Variants in SIDT1 observed in about 807,000 individuals in gnomAD.
SIDT1 encodes SID1 transmembrane family member 1, also known as SID1 transmembrane family, member 1.
A neutral mutation model predicts 107.5 loss-of-function variants in SIDT1; 101 were observed. The observed-to-expected ratio is 0.94, with a 90% CI of 0.80 to 1.11. The LOEUF (loss-of-function observed/expected upper bound fraction) is 1.11, where lower values mean the gene tolerates loss of function less well. Ranked by LOEUF, SIDT1 falls within the 50% of genes least tolerant of loss-of-function variation. The pLI is 0.00. For missense variants in SIDT1, 1,076 were observed against 1,058.2 expected, an observed-to-expected ratio of 1.02 and a Z score of -0.23; for synonymous variants, 395 against 398.2, an observed-to-expected ratio of 0.99 and a Z score of 0.10.
At chr3:113,542,224 T>C (rs1314600380) in intron 1 of SIDT1, among the ~76,000 whole-genome samples, 1 of 152,094 alleles carries the variant, frequency 6.6e-6, no homozygotes, top group East Asian at 1.9e-4. Flanking sequence ...CACTTGGCAT[T>C]AGTAGGTCAG....
chr3:113,607,067 C>T lies in SIDT1; in HGVS notation c.1431C>T (p.Asp477=), dbSNP rs959859202. ...TGGTAAATGTCACTGGCAACCAGGA[C>T]ATCTGTTACTACAACTTCCTCTGTG... ...QTVVNVTGNQ[D]ICYYNFLCAH... is the part of the protein sequence containing the mutation. Residue 477 remains aspartate (D), a synonymous_variant, in exon 15 of 25, where the codon GAC becomes GAT. Transcript: ENST00000264852. 1.2e-6 allele frequency: 2 copies of T among 1,612,896 alleles called. No individual in the cohort carries two copies. The highest frequency in any genetic ancestry group is 1.7e-6 in the Non-Finnish European group (2 of 1,178,910).
At chr3:113,552,521 C>T (rs1236136013) in intron 1 of SIDT1, among the ~76,000 whole-genome samples, 1 of 152,162 alleles carries the variant, frequency 6.6e-6, no homozygotes, top group Non-Finnish European at 1.5e-5. Context: ...AAAAGATATC[C>T]AGTAGCTCAC....
At chr3:113,554,252 G>A (rs1313881659) in intron 1 of SIDT1, among the ~76,000 whole-genome samples, 3 of 152,160 alleles carry the variant, frequency 2.0e-5, no homozygotes, top group Non-Finnish European at 4.4e-5. Context: ...CTTTAGGATA[G>A]TCTCACGATT....
intron 12 of SIDT1, among the ~76,000 whole-genome samples, chr3:113,603,731 T>C (rs1945125471): frequency 6.6e-6 from 1 of 152,084 alleles, no homozygotes; most frequent in Non-Finnish European, 1.5e-5. Flanking sequence ...AATACTAGGG[T>C]TTTTATTAAG....
chr3:113,545,223 A>G (rs1230041514), intron 1 of SIDT1, among the ~76,000 whole-genome samples: 1 of 150,998 alleles, frequency 6.6e-6, no homozygotes, highest in African/African-American at 2.4e-5. Flanking sequence ...TTTAGCATCC[A>G]CTGATTATTC....
At chr3:113,633,475 G>A (rs776747110), downstream of SIDT1, among the ~76,000 whole-genome samples, 7 of 152,148 alleles carry the variant, frequency 4.6e-5, no homozygotes, top group African/African-American at 7.2e-5. Context: ...CGAAGGTCAC[G>A]CTCAAGCAGT....
At position 113,585,260 on chromosome 3, in the gene SIDT1, CATT is replaced by C. The variant is rs777052915; in HGVS notation, c.994_996del (p.Tyr332del). The C allele has an allele frequency of 6.2e-7, 1 of 1,610,566 alleles. No individual in the cohort carries two copies. The highest frequency in any genetic ancestry group is 8.5e-7 in the Non-Finnish European group (1 of 1,176,972). ...GGGATGCCTTCTTGTTGGGTTTGTT[CATT>C]ATCTGAGGTAGGTCAATCTTTTCTA... On this transcript the variant is annotated inframe_deletion, in exon 9 of 25. Transcript: ENST00000264852.
Position 113,608,159 on chromosome 3 carries a change from T to A in SIDT1, c.1544T>A (p.Val515Asp). 6.2e-7 allele frequency: 1 copy of A among 1,612,326 alleles called. No individual in the cohort carries two copies. Among genetic ancestry groups the A allele is most frequent in the African/African-American group, 1.3e-5 (1 of 74,910 alleles). The change falls in exon 16 of 25, where the codon GTC (valine) becomes GAC (aspartate). Residue 515 changes from valine to aspartate, a missense_variant. By Grantham distance (152) the Val-to-Asp change is radical. Coordinates refer to ENST00000264852, the MANE Select transcript of SIDT1 (RefSeq NM_017699.3). ...CTGGGCTTCCTCTTCCTGCTGATAG[T>A]CTTGCGCCGCGACATCCTCCATCGG... ...VLLGFLFLLIVLRRDILHRRA... is the reference protein window; with the variant it reads ...VLLGFLFLLIDLRRDILHRRA...
At chr3:113,568,601 A>AAAAAAGAAAAGAAAAG (rs1553788329) in intron 3 of SIDT1, among the ~76,000 whole-genome samples, 1 of 144,382 alleles carries the variant, frequency 6.9e-6, no homozygotes, top group Non-Finnish European at 1.5e-5. Context: ...CTCAAAAAAA[A>AAAAAAGAAAAGAAAAG]AAAAGAAAAG....
rs571439166 is a variant in SIDT1 at position 113,601,049 on chromosome 3, C to T, written c.1046-539C>T. On this transcript the variant is annotated intron_variant, in intron 10 of 24. Transcript: ENST00000264852. Reference sequence around the variant, plus strand: ...CTGAGCCAGCTCTTGGCTAAACCACCAAAGAAGAAAAGAAATTGGATCTCC... The same window carrying T: ...CTGAGCCAGCTCTTGGCTAAACCACTAAAGAAGAAAAGAAATTGGATCTCC... 3.3e-5 allele frequency among the ~76,000 whole-genome samples: 5 copies of T among 152,274 alleles called. No individual in the cohort carries two copies. In the South Asian group the frequency reaches 1.0e-3, roughly 32 times the overall value.
At chr3:113,553,630 C>G (rs563909568) in intron 1 of SIDT1, among the ~76,000 whole-genome samples, 1 of 144,032 alleles carries the variant, frequency 6.9e-6, no homozygotes, top group African/African-American at 2.4e-5. Context: ...AAAAAGAAAT[C>G]ATGCACAGAA....
chr3:113,593,086 G>T (rs756545567), intron 10 of SIDT1, 38 bp downstream of exon 10: 1 of 1,525,564 alleles, frequency 6.6e-7, no homozygotes, highest in Non-Finnish European at 9.1e-7. Context: ...AAATGGTGTC[G>T]CATAGTGTGG....
chr3:113,625,998 C>T lies in SIDT1; in HGVS notation c.2308-104C>T, dbSNP rs114880163. On this transcript the variant is annotated intron_variant, in intron 23 of 24. Coordinates refer to ENST00000264852, the MANE Select transcript of SIDT1 (RefSeq NM_017699.3). ...GATGTTTTCTTGGAAGCTAACTTTTCGAACCAGACATCTAGTAGCGTTTTT... is the reference window on the plus strand; with the variant it reads ...GATGTTTTCTTGGAAGCTAACTTTTTGAACCAGACATCTAGTAGCGTTTTT... 320 of 779,860 alleles carry T rather than the reference C, an allele frequency of 4.1e-4. 1 individual carries two copies. In the African/African-American group the frequency reaches 4.7e-3, roughly 12 times the overall value. 48.3% of individuals were successfully genotyped at this position (779,860 alleles called of 1,614,324 possible).
chr3:113,581,152 A>G (rs1576839540), intron 5 of SIDT1, among the ~76,000 whole-genome samples: 1 of 152,192 alleles, frequency 6.6e-6, no homozygotes, highest in East Asian at 1.9e-4. Flanking sequence ...TCTCTTCAAT[A>G]TAACATGACT....
chr3:113,601,609 C>A lies in SIDT1; in HGVS notation c.1067C>A (p.Ser356Tyr). Reference protein sequence around the residue: ...SNDGSGNMVASHPIAASTPEG... With the variant: ...SNDGSGNMVAYHPIAASTPEG... ...ACAGGCTCTGGAAATATGGTGGCATCTCATCCCATTGCTGCCAGCACACCC... is the reference window on the plus strand; with the variant it reads ...ACAGGCTCTGGAAATATGGTGGCATATCATCCCATTGCTGCCAGCACACCC... The change falls in exon 11 of 25, where the codon TCT becomes TAT. Residue 356 changes from serine (S) to tyrosine (Y), a missense_variant. Ser to Tyr is a moderately radical substitution (Grantham distance 144). Coordinates refer to ENST00000264852, the MANE Select transcript of SIDT1 (RefSeq NM_017699.3). 1 of 1,613,914 alleles carries A rather than the reference C, an allele frequency of 6.2e-7. No homozygotes were observed. Among genetic ancestry groups the A allele is most frequent in the Non-Finnish European group, 8.5e-7 (1 of 1,179,806 alleles).
chr3:113,635,538 A>T, the SIDT1 span, among the ~76,000 whole-genome samples: 2 of 152,150 alleles, frequency 1.3e-5, no homozygotes, highest in African/African-American at 4.8e-5. Context: ...GTTTCATCCC[A>T]GCTACTTTAA....
At position 113,620,191 on chromosome 3, in the gene SIDT1, A is replaced by AAT. The variant is rs1946370639; in HGVS notation, c.2090+466_2090+467dup. 2.9e-5 allele frequency among the ~76,000 whole-genome samples: 3 copies of AAT among 103,452 alleles called. No individual in the cohort carries two copies. In the South Asian group the frequency reaches 9.6e-4, roughly 33 times the overall value. The allele number at this position is 103,452 out of a possible 152,430, so 67.9% of individuals were successfully genotyped here. A position where few individuals can be genotyped will look rare whatever the true frequency, so the allele number is the denominator to read the frequency against. The stretch of plus-strand genomic sequence containing the variant: ...TTCTGTAGAAATTTTTCTTTTACTA[A>AAT]ATGTGTGTGTGTGTGTGTGTGTGTG... On this transcript the variant is annotated intron_variant, in intron 21 of 24. Transcript: ENST00000264852.
rs1057148900 is a variant in SIDT1, at chr3:113,629,538, TA to T, written c.*1836del. 1 of 152,030 alleles carries T rather than the reference TA, an allele frequency of 6.6e-6. No homozygotes were observed. Among genetic ancestry groups the T allele is most frequent in the African/African-American group, 2.4e-5 (1 of 41,356 alleles). The allele number at this position is 152,030 out of a possible 1,614,324, so 9.4% of individuals were successfully genotyped here. ...GATGACAGAGTGAGACCCCATCTCTTAAAAAATAAAAAAAAATAAAAATTTG... is the reference window on the plus strand; with the variant it reads ...GATGACAGAGTGAGACCCCATCTCTTAAAAATAAAAAAAAATAAAAATTTG... On this transcript the variant is annotated 3_prime_UTR_variant, in exon 25 of 25. Transcript: ENST00000264852.
At position 113,611,157 on chromosome 3, in the gene SIDT1, CCTT is replaced by C. The variant is rs1198737112; in HGVS notation, c.1857+18_1857+20del. ...CGTCCTTGGAGTGGTGCGTCCCCCA[CCTT>C]CTTCCACCTGGCTCTCGAAAAGTGC... is the stretch of plus-strand genomic sequence containing the variant. On this transcript the variant is annotated intron_variant, in intron 18 of 24. Coordinates refer to ENST00000264852, the MANE Select transcript of SIDT1 (RefSeq NM_017699.3). The C allele has an allele frequency of 6.2e-7, 1 of 1,611,352 alleles. No homozygotes were observed. Among genetic ancestry groups the C allele is most frequent in the Non-Finnish European group, 8.5e-7 (1 of 1,178,442 alleles).
Sources: gnomAD v4.1 joint callset for allele counts (sites outside exome capture counted in the v4.1 genomes callset) on GRCh38, gnomAD v4.1.1 for gene constraint, MANE v1.5 for transcripts, NCBI Gene and HGNC (gene_info 2026-07-23, HGNC 2026-07-21) for gene names.